Variants in GALNT16 observed in about 807,000 individuals in gnomAD.
GALNT16 encodes polypeptide N-acetylgalactosaminyltransferase 16.
A neutral mutation model predicts 76.1 loss-of-function variants in GALNT16; 40 were observed. That is an observed-to-expected ratio of 0.53 (90% CI 0.41 to 0.68). GALNT16 has a LOEUF of 0.68. GALNT16 is among the 30% of genes least tolerant of loss of function. The pLI is 0.00. For missense variants in GALNT16, 621 were observed against 731.9 expected (o/e 0.85, Z 1.75); for synonymous variants, 276 against 285.2 (o/e 0.97, Z 0.32).
the GALNT16 span, among the ~76,000 whole-genome samples, chr14:69,377,180 A>AT: frequency 6.6e-6 from 1 of 152,180 alleles, no homozygotes; most frequent in Non-Finnish European, 1.5e-5. Context: ...CAAATATTTG[A>AT]TTGAGTCTAA....
At chr14:69,301,209 G>A (rs765934488) in intron 1 of GALNT16, among the ~76,000 whole-genome samples, 5 of 152,124 alleles carry the variant, frequency 3.3e-5, no homozygotes, top group South Asian at 2.1e-4. Context: ...CTGCAGCTGC[G>A]TGAGAGTTTA....
chr14:69,283,763 A>G (rs1006059337), intron 1 of GALNT16, among the ~76,000 whole-genome samples: 1 of 152,168 alleles, frequency 6.6e-6, no homozygotes, highest in African/African-American at 2.4e-5. Flanking sequence ...ATGGTGCCCA[A>G]CACTTAGTAA....
At chr14:69,332,745 T>C (rs558926005) in intron 7 of GALNT16, 1 of 240,186 alleles carries the variant, frequency 4.2e-6, no homozygotes, top group Admixed American at 5.1e-5. Context: ...TTCAGGTCTC[T>C]ACTCCAAAGT....
chr14:69,305,491 A>C (rs1407654805), intron 1 of GALNT16, among the ~76,000 whole-genome samples: 1 of 152,016 alleles, frequency 6.6e-6, no homozygotes, highest in Non-Finnish European at 1.5e-5. Context: ...TGGTTTTGAT[A>C]TGCATTTCCT....
rs942269279 is a variant in GALNT16 at position 69,353,753 on chromosome 14, G to C, written c.*1585G>C. ...GAAAAAGTCCATGGCTTCTAAAAGA[G>C]GTCCCTGATCCCCAAAGGGCCTGAA... On this transcript the variant is annotated 3_prime_UTR_variant, in exon 15 of 15. Transcript: ENST00000448469. The C allele has an allele frequency of 1.3e-5, 2 of 152,168 alleles. No homozygotes were observed. The highest frequency in any genetic ancestry group is 2.4e-5 in the African/African-American group (1 of 41,412). The allele number at this position is 152,168 out of a possible 1,614,324, so 9.4% of individuals were successfully genotyped here.
chr14:69,289,375 G>T (rs1035694381), intron 1 of GALNT16, among the ~76,000 whole-genome samples: 4 of 152,080 alleles, frequency 2.6e-5, no homozygotes, highest in African/African-American at 9.7e-5. Context: ...TGATGCAGGG[G>T]AGACTGGAAA....
chr14:69,376,342 T>C, the GALNT16 span, among the ~76,000 whole-genome samples: 1 of 152,182 alleles, frequency 6.6e-6, no homozygotes, highest in Non-Finnish European at 1.5e-5. Context: ...AGTGGTCAGA[T>C]TATGTTTCCT....
At position 69,325,335 on chromosome 14, in the gene GALNT16, A is replaced by T; in HGVS notation, c.435-2A>T. 6.4e-7 allele frequency: 1 copy of T among 1,572,824 alleles called. No homozygotes were observed. The highest frequency in any genetic ancestry group is 8.8e-7 in the Non-Finnish European group (1 of 1,142,274). ...CTTTCTCTGTTTCCACTGCTACTGT[A>T]GTGTCCTGAACCGAACTCCTGCCAA... On this transcript the variant is annotated splice_acceptor_variant, in intron 3 of 14. Transcript: ENST00000448469. LOFTEE classifies it high-confidence loss of function.
chr14:69,379,449 C>G, the GALNT16 span, among the ~76,000 whole-genome samples: 1 of 152,146 alleles, frequency 6.6e-6, no homozygotes, highest in African/African-American at 2.4e-5. Context: ...ATAGTTAAGG[C>G]CCTAATGTGC....
intron 1 of GALNT16, among the ~76,000 whole-genome samples, chr14:69,269,380 C>CAT (rs1555395609): frequency 3.3e-5 from 5 of 149,716 alleles, no homozygotes; most frequent in African/African-American, 7.4e-5. Flanking sequence ...ATGGGGCGCA[C>CAT]GTGTGTGTGT....
At position 69,339,581 on chromosome 14, in the gene GALNT16, T is replaced by C. The variant is rs773948028; in HGVS notation, c.1149T>C (p.Tyr383=). Residue 383 remains tyrosine, a synonymous_variant, in exon 11 of 15, where the codon TAT becomes TAC. Transcript: ENST00000448469. ...VWMDEYKQYY[Y]EARPSAIGKA... ...TGGATGAATACAAGCAATACTACTATGAGGCCCGGCCCTCGGCCATCGGGA... is the reference window on the plus strand; with the variant it reads ...TGGATGAATACAAGCAATACTACTACGAGGCCCGGCCCTCGGCCATCGGGA... 17 of 1,612,336 alleles carry C rather than the reference T, an allele frequency of 1.1e-5. No homozygotes were observed. The highest frequency in any genetic ancestry group is 1.3e-5 in the Non-Finnish European group (15 of 1,178,922).
At chr14:69,304,524 A>G (rs1055658093) in intron 1 of GALNT16, among the ~76,000 whole-genome samples, 3 of 152,208 alleles carry the variant, frequency 2.0e-5, no homozygotes, top group African/African-American at 2.4e-5. Flanking sequence ...ATGATTGACT[A>G]TAGGTACGAT....
chr14:69,380,607 A>G, the GALNT16 span: 19 of 1,599,452 alleles, frequency 1.2e-5, no homozygotes, highest in Middle Eastern at 1.7e-4. Flanking sequence ...AGTCTTTGTT[A>G]TAAGGCTGGT....
intron 14 of GALNT16, chr14:69,351,386 C>T (rs1331421069): frequency 6.6e-6 from 1 of 152,234 alleles, no homozygotes; most frequent in African/African-American, 2.4e-5. Flanking sequence ...ATGTAAGAAA[C>T]TGGGTCCAAT....
At chr14:69,290,096 A>G (rs774934811) in intron 1 of GALNT16, among the ~76,000 whole-genome samples, 2 of 152,162 alleles carry the variant, frequency 1.3e-5, no homozygotes, top group Non-Finnish European at 2.9e-5. Context: ...GTTGGTCAAT[A>G]TCAATGATCT....
intron 1 of GALNT16, among the ~76,000 whole-genome samples, chr14:69,315,664 T>C (rs1401326877): frequency 1.3e-5 from 2 of 152,250 alleles, no homozygotes; most frequent in Non-Finnish European, 2.9e-5. Flanking sequence ...ACTGTCATTG[T>C]TGTCAGTGAC....
At chr14:69,367,275 C>G in the GALNT16 span, among the ~76,000 whole-genome samples, 3 of 152,086 alleles carry the variant, frequency 2.0e-5, no homozygotes, top group African/African-American at 7.2e-5. Flanking sequence ...CCCCCGCAAA[C>G]TCATATGTTG....
rs938883669 is a variant in GALNT16 at position 69,354,052 on chromosome 14, T to C, written c.*1884T>C. ...TTCGCTCCCAGGGCCATGCTTTGCC[T>C]GTCCTCTGTCGTGATGTTTCTTCCG... On this transcript the variant is annotated 3_prime_UTR_variant, in exon 15 of 15. Transcript: ENST00000448469. 1 of 152,636 alleles carries C rather than the reference T, an allele frequency of 6.6e-6. No individual in the cohort carries two copies. Among genetic ancestry groups the C allele is most frequent in the African/African-American group, 2.4e-5 (1 of 41,476 alleles). The allele number at this position is 152,636 out of a possible 1,614,324, so 9.5% of individuals were successfully genotyped here. A position where few individuals can be genotyped will look rare whatever the true frequency, so the allele number is the denominator to read the frequency against.
intron 1 of GALNT16, among the ~76,000 whole-genome samples, chr14:69,314,677 C>T (rs901918113): frequency 2.6e-5 from 4 of 152,310 alleles, no homozygotes; most frequent in Admixed American, 1.3e-4. Flanking sequence ...TCAGAGATGT[C>T]GAATTATGTG....
Sources: allele counts gnomAD v4.1 joint callset (sites outside exome capture counted in the v4.1 genomes callset), GRCh38; gene constraint gnomAD v4.1.1; transcripts MANE v1.5; gene names NCBI Gene and HGNC (gene_info 2026-07-23, HGNC 2026-07-21).